DNASE1L3: variants seen among roughly 807,000 people sequenced by gnomAD.
The protein encoded by DNASE1L3 is deoxyribonuclease 1L3.
DNASE1L3 carries 27 observed loss-of-function variants against 30.9 expected under a neutral mutation model. That is an observed-to-expected ratio of 0.87 (90% confidence interval 0.64 to 1.20). DNASE1L3 has a LOEUF of 1.20. DNASE1L3 is among the 50% of genes most tolerant of loss of function. DNASE1L3 has a pLI of 0.00. For missense variants in DNASE1L3, 364 were observed against 378.2 expected (o/e 0.96, Z 0.31); for synonymous variants, 135 against 138.0 (o/e 0.98, Z 0.15).
chr3:58,204,141 A>AT (rs10662293), intron 4 of DNASE1L3, among the ~76,000 whole-genome samples: 33,169 of 141,252 alleles, frequency 0.23, 4,936 homozygotes, highest in African/African-American at 0.42. Flanking sequence ...ATTGCTTAGG[A>AT]TTTTTTTTTT....
chr3:58,195,087 T>C (rs1276424852), intron 6 of DNASE1L3, among the ~76,000 whole-genome samples: 1 of 152,242 alleles, frequency 6.6e-6, no homozygotes, highest in African/African-American at 2.4e-5. Flanking sequence ...CCAGTGTTCA[T>C]GTGACGTTTT....
intron 1 of DNASE1L3, among the ~76,000 whole-genome samples, chr3:58,209,497 C>G (rs1202445492): frequency 6.6e-6 from 1 of 152,202 alleles, no homozygotes; most frequent in Non-Finnish European, 1.5e-5. Context: ...GCTATCCTGG[C>G]TAAACAACAC....
intron 1 of DNASE1L3, 32 bp downstream of exon 1, chr3:58,210,734 T>A (rs1309874250): frequency 1.2e-6 from 2 of 1,613,608 alleles, no homozygotes; most frequent in African/African-American, 1.3e-5. Flanking sequence ...GTGAGGGGTG[T>A]CTGGGATCCT....
At chr3:58,203,412 G>A (rs2097402017) in intron 4 of DNASE1L3, among the ~76,000 whole-genome samples, 5 of 152,138 alleles carry the variant, frequency 3.3e-5, no homozygotes. Flanking sequence ...CACCTCCTCT[G>A]TCTTGTCCAG....
At chr3:58,203,067 G>T (rs753639570) in intron 4 of DNASE1L3, among the ~76,000 whole-genome samples, 1 of 152,096 alleles carries the variant, frequency 6.6e-6, no homozygotes. Flanking sequence ...AGCAGCTGTC[G>T]CCTTCTGAGC....
chr3:58,203,177 G>C (rs1436696263), intron 4 of DNASE1L3, among the ~76,000 whole-genome samples: 1 of 152,166 alleles, frequency 6.6e-6, no homozygotes, highest in African/African-American at 2.4e-5. Flanking sequence ...CACACAGAGA[G>C]GAGCCAGAAC....
intron 4 of DNASE1L3, among the ~76,000 whole-genome samples, chr3:58,204,316 T>C (rs1234399285): frequency 6.6e-6 from 1 of 152,144 alleles, no homozygotes; most frequent in South Asian, 2.1e-4. Flanking sequence ...AATTTTTGTA[T>C]TTTTAGTAGA....
In DNASE1L3 at chr3:58,197,770, G is replaced by C; in HGVS notation, c.704+51C>G. 1 of 1,611,392 alleles carries C rather than the reference G, an allele frequency of 6.2e-7. No individual in the cohort carries two copies. The highest frequency in any genetic ancestry group is 8.5e-7 in the Non-Finnish European group (1 of 1,179,218). On this transcript the variant is annotated intron_variant, in intron 6 of 7. Coordinates refer to ENST00000394549, the MANE Select transcript of DNASE1L3 (RefSeq NM_004944.4). This position sits in a 1 kb window ranked among gnomAD's most constrained non-coding sequence, Gnocchi z 5.3. ...GCCCAGCCACCTTGCGTCTTTCCTA[G>C]TGCACACCAAGCACTGTGGTGAGCC...
chr3:58,196,551 TAAAAA>T (rs60743972), intron 6 of DNASE1L3, among the ~76,000 whole-genome samples: 3 of 60,714 alleles, frequency 4.9e-5, no homozygotes, highest in African/African-American at 1.9e-4. Flanking sequence ...AGACTCTGTC[TAAAAA>T]AAAAAAAAAA....
At chr3:58,210,038 A>T (rs1236908029) in intron 1 of DNASE1L3, among the ~76,000 whole-genome samples, 2 of 151,884 alleles carry the variant, frequency 1.3e-5, no homozygotes, top group African/African-American at 2.4e-5. Context: ...AGGAGTGGGG[A>T]AGTAGAGGAG....
intron 1 of DNASE1L3, among the ~76,000 whole-genome samples, chr3:58,209,491 T>A (rs2097406253): frequency 6.6e-6 from 1 of 152,188 alleles, no homozygotes; most frequent in Non-Finnish European, 1.5e-5. Context: ...GGCATTGCTA[T>A]CCTGGCTAAA....
intron 2 of DNASE1L3, 61 bp downstream of exon 2, chr3:58,208,157 G>A: frequency 2.6e-6 from 4 of 1,520,966 alleles, no homozygotes; most frequent in Non-Finnish European, 3.6e-6. Context: ...GTTCCCAGGG[G>A]TTTTCAGATG....
intron 1 of DNASE1L3, among the ~76,000 whole-genome samples, chr3:58,208,824 G>T (rs1300383260): frequency 4.6e-5 from 7 of 152,010 alleles, no homozygotes; most frequent in Non-Finnish European, 1.0e-4. Flanking sequence ...TTAAACATAG[G>T]CAGAAACCAA....
At chr3:58,198,748 A>G (rs1224486267) in intron 5 of DNASE1L3, among the ~76,000 whole-genome samples, 2 of 152,194 alleles carry the variant, frequency 1.3e-5, no homozygotes, top group African/African-American at 2.4e-5. Context: ...GAATGAATCA[A>G]CGCCTTTTGC....
intron 2 of DNASE1L3, 59 bp from the exon 3 acceptor site, chr3:58,205,619 G>C (rs2097403411): frequency 3.5e-6 from 5 of 1,437,048 alleles, no homozygotes; most frequent in Non-Finnish European, 4.9e-6. Context: ...TACTGTACAT[G>C]TTCCTTTCTT....
intron 4 of DNASE1L3, among the ~76,000 whole-genome samples, chr3:58,203,962 G>A (rs572429972): frequency 6.6e-6 from 1 of 152,230 alleles, no homozygotes; most frequent in South Asian, 2.1e-4. Flanking sequence ...TGTAGTCATT[G>A]CAAGGATTAC....
At chr3:58,208,770 G>A (rs549383031) in intron 1 of DNASE1L3, among the ~76,000 whole-genome samples, 5 of 152,234 alleles carry the variant, frequency 3.3e-5, no homozygotes, top group Admixed American at 1.3e-4. Flanking sequence ...AACCTACTCC[G>A]AGCCTTACAA....
In DNASE1L3 at chr3:58,197,139, C is replaced by G. The variant is rs975344116; in HGVS notation, c.704+682G>C. On this transcript the variant is annotated intron_variant, in intron 6 of 7. Coordinates refer to ENST00000394549, the MANE Select transcript of DNASE1L3 (RefSeq NM_004944.4). The surrounding 1 kb of genome is among the most constrained non-coding windows in gnomAD (Gnocchi z 5.3). ...TGCCGTATGCCAGGCATTGTGCTAG[C>G]AGCCTGACATGTTATTTCATTTACT... Among the ~76,000 whole-genome samples the G allele has an allele frequency of 6.6e-6, 1 of 152,190 alleles. No homozygotes were observed. The highest frequency in any genetic ancestry group is 6.5e-5 in the Admixed American group (1 of 15,282).
chr3:58,204,876 T>C lies in DNASE1L3; in HGVS notation c.326A>G (p.Lys109Arg). The change falls in exon 4 of 8, where the codon AAG becomes AGG. Residue 109 changes from lysine to arginine, a missense_variant. Coordinates refer to ENST00000394549, the MANE Select transcript of DNASE1L3 (RefSeq NM_004944.4). Reference sequence around the variant, plus strand: ...ATAACTCCTCTTCACAGACACCAGCTTTTCCCTATAAGAAGGAAAAGGAAG... The same window carrying C: ...ATAACTCCTCTTCACAGACACCAGCCTTTCCCTATAAGAAGGAAAAGGAAG... ...KEQYAFLYKE[K>R]LVSVKRSYHY... 6.2e-7 allele frequency: 1 copy of C among 1,614,000 alleles called. No individual in the cohort carries two copies. The highest frequency in any genetic ancestry group is 8.5e-7 in the Non-Finnish European group (1 of 1,179,938).
Sources: gnomAD v4.1 joint callset for allele counts (sites outside exome capture counted in the v4.1 genomes callset) on GRCh38, gnomAD v4.1.1 for gene constraint, Gnocchi (gnomAD v3.1) non-coding constraint, MANE v1.5 for transcripts, NCBI Gene and HGNC (gene_info 2026-07-23, HGNC 2026-07-21) for gene names.